Variants in KCNAB1 observed in about 807,000 individuals in gnomAD.
The protein encoded by KCNAB1 is potassium voltage-gated channel subfamily A regulatory beta subunit 1.
A neutral mutation model predicts 64.6 loss-of-function variants in KCNAB1; 35 were observed. The ratio of observed to expected loss-of-function variants is 0.54; its 90% CI spans 0.41 to 0.72. The LOEUF is 0.72. KCNAB1 is among the 30% of genes least tolerant of loss of function. The probability of loss-of-function intolerance (pLI) is 0.00; values close to 1 mark genes in which losing one functional copy is unlikely to be tolerated. For missense variants in KCNAB1, 401 were observed against 512.9 expected, an observed-to-expected ratio of 0.78 and a Z score of 2.11; for synonymous variants, 177 against 183.8, an observed-to-expected ratio of 0.96 and a Z score of 0.30.
intron 8 of KCNAB1, among the ~76,000 whole-genome samples, chr3:156,481,419 CAAAAAA>C (rs34963527): frequency 8.4e-6 from 1 of 119,482 alleles, no homozygotes; most frequent in African/African-American, 3.0e-5. Flanking sequence ...AAGCTTGTTG[CAAAAAA>C]AAAAAAAAAA....
chr3:156,347,780 C>T (rs1724580049), intron 1 of KCNAB1, among the ~76,000 whole-genome samples: 1 of 152,152 alleles, frequency 6.6e-6, no homozygotes, highest in Non-Finnish European at 1.5e-5. Context: ...TCTTAAAATC[C>T]ACTCATCTTT....
intron 11 of KCNAB1, among the ~76,000 whole-genome samples, chr3:156,519,506 C>T (rs930479579): frequency 2.0e-5 from 3 of 152,186 alleles, no homozygotes; most frequent in Non-Finnish European, 4.4e-5. Flanking sequence ...ACTGTCATAA[C>T]TTTACAAAAC....
chr3:156,395,451 A>G (rs1414338255), intron 1 of KCNAB1, among the ~76,000 whole-genome samples: 1 of 143,544 alleles, frequency 7.0e-6, no homozygotes. Flanking sequence ...AGGCTGAGGC[A>G]GGAGAATGGC....
At chr3:156,485,819 C>T (rs1437925197) in intron 8 of KCNAB1, among the ~76,000 whole-genome samples, 3 of 152,054 alleles carry the variant, frequency 2.0e-5, no homozygotes, top group South Asian at 2.1e-4. Flanking sequence ...TTGTTTAGTT[C>T]CCCCTTACAA....
intron 8 of KCNAB1, among the ~76,000 whole-genome samples, chr3:156,495,528 A>G (rs1213521966): frequency 1.3e-5 from 2 of 152,208 alleles, no homozygotes; most frequent in African/African-American, 4.8e-5. Flanking sequence ...ATACATACAC[A>G]CAATGGAATA....
chr3:156,433,168 G>T (rs1716349846), intron 2 of KCNAB1, among the ~76,000 whole-genome samples: 1 of 152,198 alleles, frequency 6.6e-6, no homozygotes, highest in Admixed American at 6.5e-5. Context: ...CCCTCACAGA[G>T]CCTATCTAGG....
intron 11 of KCNAB1, among the ~76,000 whole-genome samples, chr3:156,519,959 T>C (rs925922963): frequency 2.0e-5 from 3 of 152,190 alleles, no homozygotes; most frequent in East Asian, 1.9e-4. Context: ...CATCTTGTCA[T>C]GGCATTTTCC....
intron 1 of KCNAB1, among the ~76,000 whole-genome samples, chr3:156,248,200 A>G (rs1404780613): frequency 6.6e-6 from 1 of 152,242 alleles, no homozygotes; most frequent in South Asian, 2.1e-4. Flanking sequence ...TTTTGCAGCT[A>G]GAGTTTTGAG....
At chr3:156,332,570 A>G (rs1723414680) in intron 1 of KCNAB1, among the ~76,000 whole-genome samples, 1 of 152,140 alleles carries the variant, frequency 6.6e-6, no homozygotes, top group South Asian at 2.1e-4. Context: ...GTGTCGTGAC[A>G]TCTGCTATAA....
intron 1 of KCNAB1, among the ~76,000 whole-genome samples, chr3:156,183,308 A>C (rs1712987568): frequency 6.6e-6 from 1 of 152,132 alleles, no homozygotes; most frequent in Non-Finnish European, 1.5e-5. Flanking sequence ...ATAAGTCTCA[A>C]GGAACAGGGT....
intron 1 of KCNAB1, among the ~76,000 whole-genome samples, chr3:156,271,392 T>G (rs1392809196): frequency 6.6e-6 from 1 of 152,208 alleles, no homozygotes; most frequent in Admixed American, 6.5e-5. Context: ...TTCTTTTGTC[T>G]CCTTTGACTG....
chr3:156,479,470 A>G (rs902129413), intron 8 of KCNAB1, among the ~76,000 whole-genome samples: 2 of 151,984 alleles, frequency 1.3e-5, no homozygotes, highest in Non-Finnish European at 2.9e-5. Context: ...CCAGGCTAAT[A>G]TCTCTACCTA....
rs117723267 is a variant in KCNAB1 at position 156,534,037 on chromosome 3, G to A, written c.1170+2540G>A. ...CTATCCTAAAGGGGACATTATCCAT[G>A]CAGCAAGACTGCTACCATTGCGGGC... is the stretch of plus-strand genomic sequence containing the variant. On this transcript the variant is annotated intron_variant, in intron 13 of 13. Coordinates refer to ENST00000490337, the MANE Select transcript of KCNAB1 (RefSeq NM_172160.3). 2.3e-4 allele frequency among the ~76,000 whole-genome samples: 35 copies of A among 152,278 alleles called. No homozygotes were observed. The East Asian group carries it at 6.6e-3, about 29-fold the overall frequency.
chr3:156,513,096 C>T (rs2108388894), intron 8 of KCNAB1, among the ~76,000 whole-genome samples: 1 of 152,258 alleles, frequency 6.6e-6, no homozygotes, highest in African/African-American at 2.4e-5. Flanking sequence ...CCTGTAGTCC[C>T]AGCTACTCGG....
intron 1 of KCNAB1, among the ~76,000 whole-genome samples, chr3:156,336,245 C>T (rs962837437): frequency 2.0e-5 from 3 of 152,008 alleles, no homozygotes; most frequent in African/African-American, 7.2e-5. Flanking sequence ...GGCTGTAATC[C>T]CAGCTACTTG....
chr3:156,190,306 A>AT (rs368989053), intron 1 of KCNAB1, among the ~76,000 whole-genome samples: 15 of 151,750 alleles, frequency 9.9e-5, no homozygotes, highest in South Asian at 2.1e-4. Flanking sequence ...GTAGACTGTG[A>AT]TTTTTTTTTC....
At chr3:156,178,729 C>T (rs541742366) in intron 1 of KCNAB1, among the ~76,000 whole-genome samples, 1 of 152,074 alleles carries the variant, frequency 6.6e-6, no homozygotes, top group African/African-American at 2.4e-5. Context: ...TGGCCGGGCG[C>T]GGTGGCTCAC....
rs139852142 is a variant in KCNAB1 at position 156,175,804 on chromosome 3, C to T, written c.275+54918C>T. ...GCTAGCCTGGGCAATAAATATTTGA[C>T]GTCACTTATGCAGTCTGAGGTCTCA... On this transcript the variant is annotated intron_variant, in intron 1 of 13. Coordinates refer to ENST00000490337, the MANE Select transcript of KCNAB1 (RefSeq NM_172160.3). The T allele has an allele frequency of 4.2e-5, 25 of 599,960 alleles. No individual in the cohort carries two copies. The East Asian group carries it at 5.9e-4, about 14-fold the overall frequency. The allele number at this position is 599,960 out of a possible 1,614,324, so 37.2% of individuals were successfully genotyped here.
rs558656449 is a variant in KCNAB1 at position 156,161,982 on chromosome 3, C to G, written c.275+41096C>G. The stretch of plus-strand genomic sequence containing the variant: ...GCTTATGTTAAAAACAAAACCAAAA[C>G]CGAAAACTACTCACATAGCATTCTT... On this transcript the variant is annotated intron_variant, in intron 1 of 13. Coordinates refer to ENST00000490337, the MANE Select transcript of KCNAB1 (RefSeq NM_172160.3). Among the ~76,000 whole-genome samples the G allele has an allele frequency of 2.2e-4, 34 of 152,340 alleles. 1 individual carries two copies. Among genetic ancestry groups the G allele is most frequent in the African/African-American group, 7.9e-4 (33 of 41,574 alleles).
Sources: allele counts gnomAD v4.1 joint callset (sites outside exome capture counted in the v4.1 genomes callset), GRCh38; gene constraint gnomAD v4.1.1; transcripts MANE v1.5; gene names NCBI Gene and HGNC (gene_info 2026-07-23, HGNC 2026-07-21).